The following UTS2 variants were observed in gnomAD, a reference collection of about 807,000 sequenced individuals.
UTS2 encodes the protein urotensin 2.
A neutral mutation model predicts 12.6 loss-of-function variants in UTS2; 10 were observed. That is an observed-to-expected ratio of 0.80 (90% CI 0.49 to 1.35). The LOEUF is 1.35. UTS2 is among the 40% of genes most tolerant of loss of function. The pLI is 0.00. For missense variants in UTS2, 142 were observed against 143.2 expected (o/e 0.99, Z 0.04); for synonymous variants, 52 against 50.0 (o/e 1.04, Z -0.17).
At chr1:7,876,539 G>T in the UTS2 span, among the ~76,000 whole-genome samples, 2 of 152,068 alleles carry the variant, frequency 1.3e-5, no homozygotes, top group African/African-American at 4.8e-5. Flanking sequence ...GCCAATGCTG[G>T]CACCCGCAAA....
the UTS2 span, among the ~76,000 whole-genome samples, chr1:7,890,368 C>T: frequency 6.6e-6 from 1 of 152,046 alleles, no homozygotes; most frequent in Non-Finnish European, 1.5e-5. Flanking sequence ...CTACCCTCTC[C>T]CTAAGGGCCA....
the UTS2 span, among the ~76,000 whole-genome samples, chr1:7,884,198 G>A: frequency 6.6e-6 from 1 of 151,876 alleles, no homozygotes; most frequent in South Asian, 2.1e-4. Context: ...CTTTATCACC[G>A]GGAACACAAT....
chr1:7,867,713 T>C, the UTS2 span, among the ~76,000 whole-genome samples: 1 of 151,918 alleles, frequency 6.6e-6, no homozygotes, highest in African/African-American at 2.4e-5. Context: ...CTGTCTCTAC[T>C]AAAAATAGAA....
chr1:7,859,765 C>T, the UTS2 span, among the ~76,000 whole-genome samples: 22,135 of 152,156 alleles, frequency 0.15, 1,913 homozygotes, highest in Non-Finnish European at 0.18. Flanking sequence ...TGAGAGGCCA[C>T]GGCAGGCAGA....
At chr1:7,854,393 CA>C (rs1353584210), upstream of UTS2, among the ~76,000 whole-genome samples, 8 of 137,024 alleles carry the variant, frequency 5.8e-5, no homozygotes, top group Non-Finnish European at 1.1e-4. Flanking sequence ...AAAAATACAA[CA>C]ATTAACCAGG....
At chr1:7,906,449 G>GAA in the UTS2 span, among the ~76,000 whole-genome samples, 11 of 73,276 alleles carry the variant, frequency 1.5e-4, no homozygotes, top group African/African-American at 4.2e-4. Context: ...GAAAGAAAAA[G>GAA]AGAAAGAAAG....
chr1:7,861,653 C>T, the UTS2 span, among the ~76,000 whole-genome samples: 2 of 152,164 alleles, frequency 1.3e-5, no homozygotes, highest in Non-Finnish European at 2.9e-5. Flanking sequence ...GTGGCAGAGC[C>T]GAGCCTGGCC....
chr1:7,907,367 C>A, the UTS2 span, among the ~76,000 whole-genome samples: 1 of 151,908 alleles, frequency 6.6e-6, no homozygotes, highest in African/African-American at 2.4e-5. Context: ...TCAGGTTATG[C>A]CAGGTACAAT....
the UTS2 span, among the ~76,000 whole-genome samples, chr1:7,884,508 T>C: frequency 6.6e-6 from 1 of 152,210 alleles, no homozygotes; most frequent in East Asian, 1.9e-4. Context: ...AAGGTCTCAC[T>C]ATGTTGCCCA....
At chr1:7,863,031 TTGTATTGTATTG>T in the UTS2 span, among the ~76,000 whole-genome samples, 487 of 30,036 alleles carry the variant, frequency 0.016, 15 homozygotes, top group Middle Eastern at 0.035. Context: ...TTGTATTGTA[TTGTATTGTATTG>T]TATTGTATTG....
the UTS2 span, among the ~76,000 whole-genome samples, chr1:7,906,783 A>C: frequency 2.6e-5 from 4 of 152,202 alleles, no homozygotes; most frequent in Non-Finnish European, 2.9e-5. Flanking sequence ...AGTAGGAGGA[A>C]GGTCCAGGAT....
chr1:7,898,245 C>T, the UTS2 span, among the ~76,000 whole-genome samples: 1 of 152,052 alleles, frequency 6.6e-6, no homozygotes, highest in Non-Finnish European at 1.5e-5. Context: ...GCTGGAGTTA[C>T]CCCCAAAAGT....
chr1:7,874,768 G>A, the UTS2 span, among the ~76,000 whole-genome samples: 59 of 152,326 alleles, frequency 3.9e-4, no homozygotes, highest in African/African-American at 1.3e-3. Context: ...CCACGTGTCA[G>A]GGGAGGGACC....
At chr1:7,872,299 C>CAAAAAAAAAA in the UTS2 span, among the ~76,000 whole-genome samples, 3,385 of 65,746 alleles carry the variant, frequency 0.051, 262 homozygotes, top group Middle Eastern at 0.088. Flanking sequence ...GACTCTGTCT[C>CAAAAAAAAAA]AAAAAAAAAA....
At chr1:7,855,633 T>C (rs1638291047), upstream of UTS2, among the ~76,000 whole-genome samples, 1 of 151,746 alleles carries the variant, frequency 6.6e-6, no homozygotes, top group Non-Finnish European at 1.5e-5. Context: ...TCCACCTGCC[T>C]CAGCCTCCCA....
chr1:7,883,255 TTA>T, the UTS2 span, among the ~76,000 whole-genome samples: 1 of 152,226 alleles, frequency 6.6e-6, no homozygotes, highest in Non-Finnish European at 1.5e-5. Flanking sequence ...CTTGAATTCA[TTA>T]TGTTAGATGA....
At chr1:7,856,257 A>G (rs947754089), upstream of UTS2, among the ~76,000 whole-genome samples, 1 of 152,360 alleles carries the variant, frequency 6.6e-6, no homozygotes, top group Non-Finnish European at 1.5e-5. Context: ...CAAAATAAAA[A>G]GTTTCTACTC....
the UTS2 span, among the ~76,000 whole-genome samples, chr1:7,895,696 G>A: frequency 5.1e-4 from 77 of 152,278 alleles, no homozygotes; most frequent in East Asian, 8.1e-3. Flanking sequence ...CTCAAAAATC[G>A]CTAAAGTTCA....
intron 3 of UTS2, among the ~76,000 whole-genome samples, chr1:7,848,917 G>A (rs980085688): frequency 9.9e-5 from 15 of 152,084 alleles, no homozygotes; most frequent in African/African-American, 3.4e-4. Context: ...GAATCACCTG[G>A]GGATCTTGTT....
Sources: gnomAD v4.1 joint callset for allele counts (sites outside exome capture counted in the v4.1 genomes callset) on GRCh38, gnomAD v4.1.1 for gene constraint, MANE v1.5 for transcripts, NCBI Gene and HGNC (gene_info 2026-07-23, HGNC 2026-07-21) for gene names.